NAALADL2: variants seen among roughly 807,000 people sequenced by gnomAD.
NAALADL2 encodes N-acetylated alpha-linked acidic dipeptidase like 2, also known as inactive N-acetylated-alpha-linked acidic dipeptidase-like protein 2.
Under a neutral mutation model 87.2 loss-of-function variants are expected in NAALADL2, and 76 were observed. The observed-to-expected ratio is 0.87, with a 90% CI of 0.72 to 1.05. The LOEUF is 1.05. NAALADL2 is among the 50% of genes least tolerant of loss of function. The probability of loss-of-function intolerance (pLI) is 0.00; values close to 1 mark genes in which losing one functional copy is unlikely to be tolerated. For missense variants in NAALADL2, 1,089 were observed against 945.8 expected, an observed-to-expected ratio of 1.15 and a Z score of -1.99; for synonymous variants, 354 against 331.0, an observed-to-expected ratio of 1.07 and a Z score of -0.75.
intron 1 of NAALADL2, among the ~76,000 whole-genome samples, chr3:174,479,620 T>C (rs1717433408): frequency 6.6e-6 from 1 of 152,126 alleles, no homozygotes. Flanking sequence ...GTCTACTGAC[T>C]AGTATATGCG....
intron 9 of NAALADL2, among the ~76,000 whole-genome samples, chr3:175,474,227 A>G (rs1465912451): frequency 6.6e-6 from 1 of 152,188 alleles, no homozygotes; most frequent in Non-Finnish European, 1.5e-5. Context: ...TTGTATAGCA[A>G]TATGTAGATT....
intron 11 of NAALADL2, among the ~76,000 whole-genome samples, chr3:175,678,102 T>C (rs60559451): frequency 0.024 from 3,677 of 152,288 alleles, 149 homozygotes; most frequent in African/African-American, 0.084. Context: ...AAGGTGTATG[T>C]TCTCATGTCA....
At chr3:174,819,024 T>A (rs1261365170) in intron 3 of NAALADL2, among the ~76,000 whole-genome samples, 20 of 149,702 alleles carry the variant, frequency 1.3e-4, no homozygotes, top group African/African-American at 4.9e-4. Flanking sequence ...CACTTTGATA[T>A]AAAATTTTGA....
At chr3:175,322,163 G>A (rs1759983689) in intron 4 of NAALADL2, among the ~76,000 whole-genome samples, 1 of 150,978 alleles carries the variant, frequency 6.6e-6, no homozygotes, top group Admixed American at 6.6e-5. Context: ...GAACAGAACA[G>A]AGCCCTCAGA....
intron 2 of NAALADL2, among the ~76,000 whole-genome samples, chr3:174,731,113 C>T (rs1339102447): frequency 1.3e-5 from 2 of 151,962 alleles, no homozygotes; most frequent in Admixed American, 6.6e-5. Context: ...TACCCACACA[C>T]TATCATGGAA....
At chr3:174,712,108 C>T (rs1409277387) in intron 2 of NAALADL2, among the ~76,000 whole-genome samples, 1 of 152,034 alleles carries the variant, frequency 6.6e-6, no homozygotes, top group Non-Finnish European at 1.5e-5. Context: ...ATTTCTTTTG[C>T]AGATCTGATT....
At chr3:175,468,960 A>G (rs1724491854) in intron 8 of NAALADL2, among the ~76,000 whole-genome samples, 1 of 152,070 alleles carries the variant, frequency 6.6e-6, no homozygotes, top group Non-Finnish European at 1.5e-5. Flanking sequence ...TTAGTCAATG[A>G]TGCTAAAAAT....
intron 1 of NAALADL2, among the ~76,000 whole-genome samples, chr3:174,961,509 G>A (rs996965136): frequency 5.3e-5 from 8 of 151,936 alleles, no homozygotes; most frequent in African/African-American, 1.5e-4. Flanking sequence ...ATAAAACACC[G>A]GGCAGGGGAA....
chr3:174,844,843 T>TG (rs1254358551), intron 3 of NAALADL2, among the ~76,000 whole-genome samples: 10 of 131,502 alleles, frequency 7.6e-5, no homozygotes, highest in African/African-American at 2.8e-4. Context: ...TGGTTTTTTT[T>TG]TTTTTTTTTT....
intron 10 of NAALADL2, among the ~76,000 whole-genome samples, chr3:175,584,887 G>T (rs1286920789): frequency 6.6e-6 from 1 of 152,102 alleles, no homozygotes; most frequent in Non-Finnish European, 1.5e-5. Context: ...GAATGTGAAG[G>T]CCTAGGACAT....
rs183611515 is a variant in NAALADL2, at chr3:174,806,090, A to T, written c.-9+68344A>T. ...GTGTTCACTTTCTTCTTGGATGATG[A>T]ATTAGTAATTAGGCCCTTTCTATAT... On this transcript the variant is annotated intron_variant, in intron 3 of 3. Transcript: ENST00000434257. Among the ~76,000 whole-genome samples, 57 of 152,302 alleles carry T rather than the reference A, an allele frequency of 3.7e-4. No homozygotes were observed. In the East Asian group the frequency reaches 0.01, roughly 28 times the overall value.
chr3:174,447,599 C>T (rs572091363), intron 1 of NAALADL2, among the ~76,000 whole-genome samples: 64 of 152,120 alleles, frequency 4.2e-4, no homozygotes, highest in Middle Eastern at 3.4e-3. Flanking sequence ...GGGCGGATCA[C>T]GAGGTCAGGA....
In NAALADL2 at chr3:175,667,314, G is replaced by T. The variant is rs1733329106; in HGVS notation, c.1896+39928G>T. Among the ~76,000 whole-genome samples the T allele has an allele frequency of 2.6e-5, 4 of 152,158 alleles. 1 individual carries two copies. In the South Asian group the frequency reaches 8.3e-4, roughly 32 times the overall value. On this transcript the variant is annotated intron_variant, in intron 11 of 13. Transcript: ENST00000454872. ...GGGGTTAAATTGACTAATTTCTATT[G>T]GTCAGATGTTTCAAACCTCAAAATT...
intron 2 of NAALADL2, among the ~76,000 whole-genome samples, chr3:174,569,240 A>G (rs896951644): frequency 6.6e-6 from 1 of 151,972 alleles, no homozygotes; most frequent in East Asian, 1.9e-4. Context: ...ATCATTTTCT[A>G]TAAGAAATAA....
chr3:175,203,964 A>G (rs759693888), intron 2 of NAALADL2, among the ~76,000 whole-genome samples: 23 of 152,218 alleles, frequency 1.5e-4, no homozygotes, highest in Non-Finnish European at 2.9e-4. Flanking sequence ...AAAATTACCA[A>G]CAGAAAAAAG....
At chr3:174,857,889 G>A (rs1726031671), upstream of NAALADL2, among the ~76,000 whole-genome samples, 1 of 151,882 alleles carries the variant, frequency 6.6e-6, no homozygotes, top group Non-Finnish European at 1.5e-5. Context: ...TTAATGTCAT[G>A]TTTGCCTTTA....
intron 5 of NAALADL2, among the ~76,000 whole-genome samples, chr3:175,340,182 T>G (rs1038665147): frequency 6.6e-6 from 1 of 152,176 alleles, no homozygotes; most frequent in Non-Finnish European, 1.5e-5. Context: ...ATAGAAGAAA[T>G]GTTACAAATT....
intron 11 of NAALADL2, among the ~76,000 whole-genome samples, chr3:175,730,313 T>A (rs1414843484): frequency 6.7e-6 from 1 of 148,930 alleles, no homozygotes; most frequent in Non-Finnish European, 1.5e-5. Context: ...TTATCCCATA[T>A]AAAAGTTTAT....
At chr3:174,809,900 A>G (rs889715667) in intron 3 of NAALADL2, among the ~76,000 whole-genome samples, 1 of 152,106 alleles carries the variant, frequency 6.6e-6, no homozygotes, top group East Asian at 1.9e-4. Context: ...TGCTGTTCTC[A>G]TGATAATGAT....
Sources: allele counts gnomAD v4.1 joint callset (sites outside exome capture counted in the v4.1 genomes callset), GRCh38; gene constraint gnomAD v4.1.1; transcripts MANE v1.5; gene names NCBI Gene and HGNC (gene_info 2026-07-23, HGNC 2026-07-21).